The following UBE3B variants were observed in gnomAD, a reference collection of about 807,000 sequenced individuals.
The protein encoded by UBE3B is ubiquitin-protein ligase E3B.
In UBE3B, 80 loss-of-function variants were observed where a neutral mutation model predicts 132.3. That is an observed-to-expected ratio of 0.60 (90% CI 0.50 to 0.73). The LOEUF is 0.73. Ranked by LOEUF, UBE3B falls within the 30% of genes least tolerant of loss-of-function variation. The pLI, the probability that UBE3B is intolerant of heterozygous loss-of-function variation, is 0.00. For missense variants in UBE3B, 1,196 were observed against 1,362.5 expected, an observed-to-expected ratio of 0.88 and a Z score of 1.92; for synonymous variants, 487 against 520.4, an observed-to-expected ratio of 0.94 and a Z score of 0.87.
intron 19 of UBE3B, 30 bp downstream of exon 19, chr12:109,516,914 C>A: frequency 1.2e-6 from 2 of 1,608,894 alleles, no homozygotes; most frequent in South Asian, 2.2e-5. Context: ...AATCCTACCA[C>A]AAGGAAGTGG....
the UBE3B span, among the ~76,000 whole-genome samples, chr12:109,547,775 C>G: frequency 6.6e-6 from 1 of 152,122 alleles, no homozygotes; most frequent in South Asian, 2.1e-4. This position sits in a 1 kb window ranked among gnomAD's most constrained non-coding sequence, Gnocchi z 4.1. Context: ...AGGTTCCCCA[C>G]GGTGCGCGTG....
chr12:109,543,255 G>A, the UBE3B span, among the ~76,000 whole-genome samples: 2 of 152,234 alleles, frequency 1.3e-5, no homozygotes, highest in African/African-American at 4.8e-5. Context: ...TCTCCACAGT[G>A]TAGAGTGACA....
At chr12:109,481,313 CAA>C (rs34653918) in intron 1 of UBE3B, among the ~76,000 whole-genome samples, 28 of 122,060 alleles carry the variant, frequency 2.3e-4, no homozygotes, top group Non-Finnish European at 2.8e-4. Flanking sequence ...GAGACTATCT[CAA>C]AAAAAAAAAA....
At position 109,497,626 on chromosome 12, in the gene UBE3B, G is replaced by A. The variant is rs139811986; in HGVS notation, c.714-192G>A. On this transcript the variant is annotated intron_variant, in intron 9 of 27. Transcript: ENST00000342494. ...AAAACTGGTTTTTCATAGCTGCACA[G>A]TATGGCATCAGCAACTGGACCATCA... is the stretch of plus-strand genomic sequence containing the variant. Among the ~76,000 whole-genome samples the A allele has an allele frequency of 2.6e-3, 393 of 152,230 alleles. 2 individuals are homozygous for A. Among genetic ancestry groups the A allele is most frequent in the Non-Finnish European group, 2.9e-3 (196 of 68,024 alleles).
the UBE3B span, among the ~76,000 whole-genome samples, chr12:109,545,008 G>C: frequency 6.6e-6 from 1 of 152,254 alleles, no homozygotes; most frequent in African/African-American, 2.4e-5. Context: ...CTCAAAGCCA[G>C]GATATGAGGA....
intron 26 of UBE3B, among the ~76,000 whole-genome samples, chr12:109,531,041 T>C (rs146821585): frequency 0.011 from 1,640 of 152,194 alleles, 124 homozygotes; most frequent in Admixed American, 0.1. Flanking sequence ...ATAAGCAAAA[T>C]ATTAAACAAT....
At chr12:109,509,298 T>G (rs1433885150) in intron 15 of UBE3B, 1 of 187,316 alleles carries the variant, frequency 5.3e-6, no homozygotes, top group Non-Finnish European at 1.1e-5. Flanking sequence ...ATACATGTGC[T>G]GAAAGTGCAG....
chr12:109,546,925 G>A, the UBE3B span, among the ~76,000 whole-genome samples: 1 of 152,034 alleles, frequency 6.6e-6, no homozygotes, highest in African/African-American at 2.4e-5. Context: ...GCTCAGGCTG[G>A]TGTTGAACTC....
intron 4 of UBE3B, among the ~76,000 whole-genome samples, chr12:109,485,173 G>A (rs1011165695): frequency 1.3e-5 from 2 of 152,220 alleles, no homozygotes; most frequent in Non-Finnish European, 2.9e-5. Context: ...TGTAATCCCA[G>A]AAAAGCAGCT....
rs150944416 is a variant in UBE3B, at chr12:109,517,268, T to C, written c.2076+384T>C. Among the ~76,000 whole-genome samples the C allele has an allele frequency of 1.9e-3, 292 of 152,300 alleles. 3 individuals are homozygous for C. The highest frequency in any genetic ancestry group is 6.8e-3 in the African/African-American group (282 of 41,584). ...ACTTTGCTGAGACTCTCAACTGTGA[T>C]TGTAGTATATAAGTGGAGTGGAGGT... On this transcript the variant is annotated intron_variant, in intron 19 of 27. Transcript: ENST00000342494.
chr12:109,484,942 A>C (rs913826984), intron 4 of UBE3B, among the ~76,000 whole-genome samples: 5 of 151,592 alleles, frequency 3.3e-5, no homozygotes, highest in Admixed American at 3.3e-4. Context: ...TTTTTTGTAG[A>C]GATAGGGTTT....
At position 109,535,253 on chromosome 12, in the gene UBE3B, G is replaced by A. The variant is rs1883328901; in HGVS notation, c.*471G>A. 6.6e-6 allele frequency: 1 copy of A among 152,628 alleles called. No homozygotes were observed. The highest frequency in any genetic ancestry group is 1.5e-5 in the Non-Finnish European group (1 of 68,364). The allele number at this position is 152,628 out of a possible 1,614,324, so 9.5% of individuals were successfully genotyped here. ...TCTTACTCAGGTAAGGCCTCGCCAA[G>A]CCTCTATGCACCCCACAAAGTTTCT... On this transcript the variant is annotated 3_prime_UTR_variant, in exon 28 of 28. Coordinates refer to ENST00000342494, the MANE Select transcript of UBE3B (RefSeq NM_130466.4).
chr12:109,490,802 GT>G (rs1277542522), intron 8 of UBE3B: 1 of 1,323,086 alleles, frequency 7.6e-7, no homozygotes, highest in East Asian at 2.6e-5. Flanking sequence ...ACTGCATACG[GT>G]TTTTTGTTTT....
chr12:109,511,682 C>A (rs539166851), intron 18 of UBE3B, among the ~76,000 whole-genome samples: 1 of 152,172 alleles, frequency 6.6e-6, no homozygotes, highest in East Asian at 1.9e-4. Flanking sequence ...AGGATGGGGT[C>A]AAGAGGAAGC....
chr12:109,488,719 G>C (rs751692219), intron 7 of UBE3B, 51 bp downstream of exon 7: 1 of 1,556,838 alleles, frequency 6.4e-7, no homozygotes, highest in African/African-American at 1.4e-5. Flanking sequence ...TCCATAGAGA[G>C]CTCAGGGACC....
chr12:109,502,398 T>C (rs568182660), intron 13 of UBE3B, among the ~76,000 whole-genome samples: 235 of 152,256 alleles, frequency 1.5e-3, no homozygotes, highest in African/African-American at 5.5e-3. Context: ...CACGCTCTTA[T>C]TAAAAGTTAT....
chr12:109,508,753 G>A (rs1413106678), intron 15 of UBE3B: 1 of 984,800 alleles, frequency 1.0e-6, no homozygotes, highest in African/African-American at 1.7e-5. Context: ...CTAGTGTATG[G>A]AGCAGTGTTA....
At chr12:109,533,728 C>T in intron 27 of UBE3B, 170 bp downstream of exon 27, 1 of 844,516 alleles carries the variant, frequency 1.2e-6, no homozygotes, top group South Asian at 1.4e-5. Flanking sequence ...GAGAACCAGC[C>T]AGCCCCAGAG....
chr12:109,484,503 G>A (rs745611524), intron 4 of UBE3B, among the ~76,000 whole-genome samples: 4 of 151,750 alleles, frequency 2.6e-5, no homozygotes, highest in Non-Finnish European at 4.4e-5. Context: ...GCAGTTCTCC[G>A]GCCTCAGCCT....
Sources: allele counts gnomAD v4.1 joint callset (sites outside exome capture counted in the v4.1 genomes callset), GRCh38; gene constraint gnomAD v4.1.1; non-coding constraint Gnocchi (gnomAD v3.1); transcripts MANE v1.5; gene names NCBI Gene and HGNC (gene_info 2026-07-23, HGNC 2026-07-21).